NTRK1: variants seen among roughly 807,000 people sequenced by gnomAD.
NTRK1 encodes neurotrophic receptor tyrosine kinase 1, also known as high affinity nerve growth factor receptor.
In NTRK1, 62 loss-of-function variants were observed where a neutral mutation model predicts 86.8. That is an observed-to-expected ratio of 0.71 (90% confidence interval 0.58 to 0.88). The LOEUF is 0.88. Among genes scored for constraint, NTRK1 ranks in the 40% least tolerant of loss-of-function variants. The probability of loss-of-function intolerance (pLI) is 0.00; values close to 1 mark genes in which losing one functional copy is unlikely to be tolerated. For missense variants in NTRK1, 967 were observed against 1,078.4 expected (o/e 0.90, Z 1.45); for synonymous variants, 469 against 456.6 (o/e 1.03, Z -0.35).
intron 1 of NTRK1, chr1:156,841,067 G>A (rs377336212): frequency 1.2e-5 from 19 of 1,575,362 alleles, no homozygotes; most frequent in South Asian, 4.6e-5. Flanking sequence ...GGGCGCAGGC[G>A]TGGGTTCGGC....
Position 156,873,988 on chromosome 1 carries a change from C to A in NTRK1, c.1177+29C>A, listed in dbSNP as rs1033275502. On this transcript the variant is annotated intron_variant, in intron 8 of 16. Coordinates refer to ENST00000524377, the MANE Select transcript of NTRK1 (RefSeq NM_002529.4). ...CGAGGGCCATCCTGAACCCTGCCCC[C>A]ACTCCTGGGCTCCTCCTGGGTTACA... 5 of 1,544,688 alleles carry A rather than the reference C, an allele frequency of 3.2e-6. No homozygotes were observed. The Admixed American group carries it at 5.9e-5, about 18-fold the overall frequency.
intron 1 of NTRK1, chr1:156,842,043 C>A (rs1654811042): frequency 1.9e-6 from 3 of 1,601,516 alleles, no homozygotes; most frequent in Admixed American, 3.5e-5. Flanking sequence ...CTGTGGGTCT[C>A]CTGATGCCTA....
intron 2 of NTRK1, among the ~76,000 whole-genome samples, chr1:156,850,300 C>T (rs1045559579): frequency 6.6e-6 from 1 of 152,132 alleles, no homozygotes. Flanking sequence ...TAACCCCTGT[C>T]TCCCAGGTTC....
In NTRK1 at chr1:156,845,814, C is replaced by T; in HGVS notation, c.50+3621C>T. Reference sequence around the variant, plus strand: ...GTTGTTGCTGGTGGGCAGCCGCAAGCCTGGCGCCGCAGCGGGAAGACACTA... The same window carrying T: ...GTTGTTGCTGGTGGGCAGCCGCAAGTCTGGCGCCGCAGCGGGAAGACACTA... On this transcript the variant is annotated intron_variant, in intron 2 of 16. Coordinates refer to the NTRK1 transcript ENST00000392302. The T allele has an allele frequency of 1.9e-6, 3 of 1,612,054 alleles. No individual in the cohort carries two copies. The highest frequency in any genetic ancestry group is 2.5e-6 in the Non-Finnish European group (3 of 1,179,690).
intron 2 of NTRK1, among the ~76,000 whole-genome samples, chr1:156,848,411 G>A (rs1655085131): frequency 6.6e-6 from 1 of 152,086 alleles, no homozygotes; most frequent in Non-Finnish European, 1.5e-5. Flanking sequence ...CGTGTTTTTG[G>A]AGAAGTCTTT....
At chr1:156,816,147 C>A in intron 1 of NTRK1, 1 of 1,555,658 alleles carries the variant, frequency 6.4e-7, no homozygotes, top group South Asian at 1.2e-5. Context: ...CTATGTCTGT[C>A]TCTGCCTCCC....
At position 156,840,773 on chromosome 1, in the gene NTRK1, C is replaced by G. The variant is rs566782922; in HGVS notation, c.-63-1308C>G. On this transcript the variant is annotated intron_variant, in intron 1 of 16. Transcript: ENST00000392302. ...TGCCCCACCCTCGGCCATCCCTTGCCCTGAGTTGGGGTGGGGGTGAACATT... is the reference window on the plus strand; with the variant it reads ...TGCCCCACCCTCGGCCATCCCTTGCGCTGAGTTGGGGTGGGGGTGAACATT... 5.3e-5 allele frequency: 49 copies of G among 929,684 alleles called. No individual in the cohort carries two copies. In the Admixed American group the frequency reaches 9.4e-4, roughly 18 times the overall value. The allele number at this position is 929,684 out of a possible 1,614,324, so 57.6% of individuals were successfully genotyped here.
In NTRK1 at chr1:156,874,387, C is replaced by T. The variant is rs2102908885; in HGVS notation, c.1182C>T (p.Ser394=). 6.8e-6 allele frequency: 11 copies of T among 1,614,106 alleles called. No homozygotes were observed. The highest frequency in any genetic ancestry group is 9.3e-6 in the Non-Finnish European group (11 of 1,180,006). ...CTCTCCTCCCTCCTGCTGCAGTCTC[C>T]TTCTCGCCGGTGGGTGAGTAGCCCA... ...EFNPEDPIPV[S]FSPVDTNSTS... The change falls in exon 9 of 17, where the codon TCC becomes TCT. Residue 394 remains serine, a synonymous_variant. Transcript: ENST00000524377.
chr1:156,834,429 G>A (rs1312370604), intron 1 of NTRK1, among the ~76,000 whole-genome samples: 1 of 152,182 alleles, frequency 6.6e-6, no homozygotes, highest in Non-Finnish European at 1.5e-5. Context: ...CTGGGGACAG[G>A]GAAGATGCAA....
At chr1:156,878,440 C>T (rs1323654475) in intron 14 of NTRK1, among the ~76,000 whole-genome samples, 4 of 152,188 alleles carry the variant, frequency 2.6e-5, no homozygotes, top group Admixed American at 2.0e-4. Flanking sequence ...TGCACTGTAG[C>T]CCCAGTGCTT....
At position 156,874,386 on chromosome 1, in the gene NTRK1, C is replaced by T. The variant is rs2102908875; in HGVS notation, c.1181C>T (p.Ser394Phe). The T allele has an allele frequency of 6.2e-7, 1 of 1,614,180 alleles. No individual in the cohort carries two copies. Among genetic ancestry groups the T allele is most frequent in the Non-Finnish European group, 8.5e-7 (1 of 1,180,028 alleles). ...TCTCTCCTCCCTCCTGCTGCAGTCT[C>T]CTTCTCGCCGGTGGGTGAGTAGCCC... ...EFNPEDPIPV[S>F]FSPVDTNSTS... The change falls in exon 9 of 17, where the codon TCC becomes TTC. Residue 394 changes from serine (S) to phenylalanine (F), a missense_variant. Physicochemically the swap from Ser to Phe is radical, Grantham distance 155 (BLOSUM62 -2). Coordinates refer to ENST00000524377, the MANE Select transcript of NTRK1 (RefSeq NM_002529.4).
chr1:156,844,492 C>A (rs1654915846), intron 2 of NTRK1: 1 of 1,613,966 alleles, frequency 6.2e-7, no homozygotes, highest in Non-Finnish European at 8.5e-7. Flanking sequence ...GCAACACTGT[C>A]TGTCCAAGAG....
chr1:156,846,355 C>G (rs369614273), intron 2 of NTRK1, among the ~76,000 whole-genome samples: 1 of 152,168 alleles, frequency 6.6e-6, no homozygotes, highest in African/African-American at 2.4e-5. Context: ...CCCGCAAGGA[C>G]CTAGGCAAAT....
intron 2 of NTRK1, among the ~76,000 whole-genome samples, chr1:156,850,975 A>T (rs1030498776): frequency 2.0e-5 from 3 of 152,218 alleles, no homozygotes; most frequent in African/African-American, 7.2e-5. Context: ...CCAGATGATG[A>T]CAATTATAGC....
intron 2 of NTRK1, 88 bp from the exon 3 acceptor site, chr1:156,864,640 G>C (rs1320957178): frequency 7.0e-7 from 1 of 1,436,380 alleles, no homozygotes; most frequent in Non-Finnish European, 9.7e-7. Flanking sequence ...GTTCAGCACA[G>C]GGGACTGGGA....
chr1:156,828,486 ACTC>A (rs1270730406), intron 1 of NTRK1, among the ~76,000 whole-genome samples: 2 of 152,038 alleles, frequency 1.3e-5, no homozygotes, highest in Admixed American at 1.3e-4. Context: ...GCTCGTGCTG[ACTC>A]CTCTTCCACG....
At chr1:156,869,741 A>T (rs1571691797) in intron 6 of NTRK1, among the ~76,000 whole-genome samples, 1 of 152,120 alleles carries the variant, frequency 6.6e-6, no homozygotes, top group South Asian at 2.1e-4. Flanking sequence ...CCCAGGCCTT[A>T]CCCTTTGTCC....
chr1:156,816,736 G>C lies in NTRK1; in HGVS notation c.-64+898G>C, dbSNP rs770801034. 6.9e-6 allele frequency: 11 copies of C among 1,586,526 alleles called. No homozygotes were observed. In the East Asian group the frequency reaches 1.9e-4, roughly 27 times the overall value. On this transcript the variant is annotated intron_variant, in intron 1 of 16. Coordinates refer to the NTRK1 transcript ENST00000392302. ...GGGCAGCCTCACAAGGGATCCCAGA[G>C]CAGGGTGTGTGTATGTGTTCCGGAA... is the stretch of plus-strand genomic sequence containing the variant.
At chr1:156,828,410 A>G (rs77000416) in intron 1 of NTRK1, among the ~76,000 whole-genome samples, 6,344 of 151,694 alleles carry the variant, frequency 0.042, 219 homozygotes, top group African/African-American at 0.09. Context: ...CATTTTGAGG[A>G]AAAAAAAAGC....
Sources: gnomAD v4.1 joint callset for allele counts (sites outside exome capture counted in the v4.1 genomes callset) on GRCh38, gnomAD v4.1.1 for gene constraint, MANE v1.5 for transcripts, NCBI Gene and HGNC (gene_info 2026-07-23, HGNC 2026-07-21) for gene names.